The following SLC26A7 variants were observed in gnomAD, a reference collection of about 807,000 sequenced individuals.
SLC26A7 encodes solute carrier family 26 member 7.
SLC26A7 carries 59 observed loss-of-function variants against 82.5 expected under a neutral mutation model. That is an observed-to-expected ratio of 0.72 (90% CI 0.58 to 0.89). The LOEUF (loss-of-function observed/expected upper bound fraction) is 0.89. Among genes scored for constraint, SLC26A7 ranks in the 40% least tolerant of loss-of-function variants. The pLI, the probability that SLC26A7 is intolerant of heterozygous loss-of-function variation, is 0.00. For missense variants in SLC26A7, 820 were observed against 793.0 expected (o/e 1.03, Z -0.41); for synonymous variants, 271 against 274.3 (o/e 0.99, Z 0.12).
At chr8:91,322,838 A>G (rs1173481760) in intron 5 of SLC26A7, among the ~76,000 whole-genome samples, 2 of 152,190 alleles carry the variant, frequency 1.3e-5, no homozygotes, top group Non-Finnish European at 2.9e-5. Context: ...AAAAATGGGT[A>G]GTTTCAGAAC....
At chr8:91,270,796 C>A (rs1811247623) in intron 2 of SLC26A7, among the ~76,000 whole-genome samples, 1 of 152,144 alleles carries the variant, frequency 6.6e-6, no homozygotes, top group Non-Finnish European at 1.5e-5. Flanking sequence ...GTTTTTAGGA[C>A]TTTTACCCTC....
intron 2 of SLC26A7, among the ~76,000 whole-genome samples, chr8:91,282,260 C>A (rs1326743241): frequency 6.6e-6 from 1 of 152,136 alleles, no homozygotes; most frequent in East Asian, 1.9e-4. Context: ...GGCCAGTCAG[C>A]TGAGGTTTGA....
chr8:91,394,006 A>G lies in SLC26A7; in HGVS notation c.1902A>G (p.Val634=). ...DSEKPIFFES[V]SAAISHIHSN... is the part of the protein sequence containing the mutation. Reference sequence around the variant, plus strand: ...AGAAACCAATTTTTTTTGAATCGGTATCTGCTGCAATAAGTCATATCCATT... The same window carrying G: ...AGAAACCAATTTTTTTTGAATCGGTGTCTGCTGCAATAAGTCATATCCATT... The change falls in exon 18 of 19, where the codon GTA becomes GTG. Residue 634 remains valine, a synonymous_variant. Transcript: ENST00000276609. 6.2e-7 allele frequency: 1 copy of G among 1,613,652 alleles called. No homozygotes were observed. Among genetic ancestry groups the G allele is most frequent in the Non-Finnish European group, 8.5e-7 (1 of 1,179,612 alleles).
chr8:91,281,788 G>C (rs1178304952), intron 2 of SLC26A7, among the ~76,000 whole-genome samples: 2 of 152,124 alleles, frequency 1.3e-5, no homozygotes, highest in Non-Finnish European at 2.9e-5. Flanking sequence ...TGCCATGAGG[G>C]ATAGGAAGTG....
At chr8:91,352,860 T>C (rs1813755768) in intron 10 of SLC26A7, 41 bp from the exon 11 acceptor site, 1 of 1,522,928 alleles carries the variant, frequency 6.6e-7, no homozygotes, top group East Asian at 2.3e-5. Flanking sequence ...TAAGTTAAAA[T>C]TTTTATGTTG....
intron 2 of SLC26A7, among the ~76,000 whole-genome samples, chr8:91,281,090 G>A (rs1014453908): frequency 4.6e-5 from 7 of 152,134 alleles, no homozygotes; most frequent in East Asian, 1.9e-4. Flanking sequence ...TTAAAATTCA[G>A]GATAATGTTC....
intron 2 of SLC26A7, among the ~76,000 whole-genome samples, chr8:91,220,567 G>A (rs1459949295): frequency 6.6e-6 from 1 of 151,882 alleles, no homozygotes; most frequent in African/African-American, 2.4e-5. Flanking sequence ...TGTTCTCAAC[G>A]TTCAACTCCC....
intron 14 of SLC26A7, among the ~76,000 whole-genome samples, chr8:91,369,457 T>C (rs1398446171): frequency 3.9e-5 from 6 of 152,168 alleles, no homozygotes; most frequent in Admixed American, 6.5e-5. Flanking sequence ...TTAATAAAGA[T>C]GATTTCTGAT....
At chr8:91,334,196 G>C (rs1813174939) in intron 5 of SLC26A7, 99 bp from the exon 6 acceptor site, 1 of 1,171,806 alleles carries the variant, frequency 8.5e-7, no homozygotes, top group Non-Finnish European at 1.2e-6. Flanking sequence ...CATTAAGATA[G>C]TTTTATAAAA....
At chr8:91,388,765 C>T (rs1814872747) in intron 15 of SLC26A7, among the ~76,000 whole-genome samples, 2 of 152,072 alleles carry the variant, frequency 1.3e-5, no homozygotes, top group Admixed American at 1.3e-4. Flanking sequence ...CAGGTAGATT[C>T]AGAGGCCGAT....
At chr8:91,235,535 T>G (rs1810382763) in intron 2 of SLC26A7, among the ~76,000 whole-genome samples, 1 of 152,102 alleles carries the variant, frequency 6.6e-6, no homozygotes, top group Non-Finnish European at 1.5e-5. Flanking sequence ...ATGAGAGATT[T>G]TGGGTGAAGG....
chr8:91,222,933 G>A (rs933814784), intron 2 of SLC26A7, among the ~76,000 whole-genome samples: 1 of 152,114 alleles, frequency 6.6e-6, no homozygotes, highest in African/African-American at 2.4e-5. Flanking sequence ...TGTATTTATG[G>A]TAGAATTCAG....
chr8:91,367,563 G>A (rs146900836), intron 14 of SLC26A7, among the ~76,000 whole-genome samples: 30 of 128,110 alleles, frequency 2.3e-4, no homozygotes, highest in African/African-American at 9.7e-4. Context: ...TTAGGAGTGT[G>A]GACTTTGAGG....
rs1291069875 is a variant in SLC26A7 at position 91,289,256 on chromosome 8, C to T, written c.304+10C>T. The T allele has an allele frequency of 6.3e-7, 1 of 1,582,034 alleles. No individual in the cohort carries two copies. Among genetic ancestry groups the T allele is most frequent in the Non-Finnish European group, 8.7e-7 (1 of 1,151,154 alleles). ...CATCATGTTGCCACAGGTAATAATT[C>T]CTATGTTTATGCTTCTAATGTTACT... is the stretch of plus-strand genomic sequence containing the variant. On this transcript the variant is annotated intron_variant, in intron 3 of 18. Transcript: ENST00000276609.
chr8:91,382,763 C>T (rs183611443), intron 15 of SLC26A7, among the ~76,000 whole-genome samples: 487 of 152,258 alleles, frequency 3.2e-3, no homozygotes, highest in Middle Eastern at 0.017. Context: ...TTTTTAATTT[C>T]CATTGTATTA....
At chr8:91,329,863 G>A (rs530156640) in intron 5 of SLC26A7, among the ~76,000 whole-genome samples, 15 of 152,174 alleles carry the variant, frequency 9.9e-5, no homozygotes, top group African/African-American at 3.4e-4. Context: ...TCACTGAGTA[G>A]CATTTTGGAT....
At chr8:91,210,457 T>C (rs1809888328) in intron 1 of SLC26A7, among the ~76,000 whole-genome samples, 1 of 152,046 alleles carries the variant, frequency 6.6e-6, no homozygotes, top group Non-Finnish European at 1.5e-5. Flanking sequence ...AGATGAGGCT[T>C]TCCTTCTGTT....
chr8:91,364,088 C>G (rs939826415), intron 13 of SLC26A7, among the ~76,000 whole-genome samples: 3 of 151,976 alleles, frequency 2.0e-5, no homozygotes, highest in Admixed American at 2.0e-4. Flanking sequence ...AACAGTTTTG[C>G]TCTGCTCATG....
intron 2 of SLC26A7, among the ~76,000 whole-genome samples, chr8:91,264,872 T>A (rs1811067289): frequency 6.6e-6 from 1 of 151,980 alleles, no homozygotes; most frequent in South Asian, 2.1e-4. Flanking sequence ...TCACTTCAGA[T>A]CTTCATCATT....
Sources: gnomAD v4.1 joint callset for allele counts (sites outside exome capture counted in the v4.1 genomes callset) on GRCh38, gnomAD v4.1.1 for gene constraint, MANE v1.5 for transcripts, NCBI Gene and HGNC (gene_info 2026-07-23, HGNC 2026-07-21) for gene names.